Variants in SRGAP1 observed in about 807,000 individuals in gnomAD.
SRGAP1 encodes SLIT-ROBO Rho GTPase-activating protein 1.
Under a neutral mutation model 121.9 loss-of-function variants are expected in SRGAP1, and 43 were observed. The ratio of observed to expected loss-of-function variants is 0.35; its 90% confidence interval spans 0.28 to 0.46. The LOEUF is 0.46. Ranked by LOEUF, SRGAP1 falls within the 20% of genes least tolerant of loss-of-function variation. The pLI, the probability that SRGAP1 is intolerant of heterozygous loss-of-function variation, is 1.00. For missense variants in SRGAP1, 1,102 were observed against 1,350.9 expected (o/e 0.82, Z 2.89); for synonymous variants, 447 against 485.4 (o/e 0.92, Z 1.04).
intron 2 of SRGAP1, among the ~76,000 whole-genome samples, chr12:63,988,400 T>C (rs1273550013): frequency 6.6e-6 from 1 of 152,220 alleles, no homozygotes; most frequent in African/African-American, 2.4e-5. Context: ...CACTGCTCTT[T>C]GCCTGATGGT....
intron 10 of SRGAP1, among the ~76,000 whole-genome samples, chr12:64,082,112 C>T (rs544379647): frequency 4.3e-5 from 6 of 138,158 alleles, no homozygotes; most frequent in Admixed American, 1.6e-4. Context: ...TGTAGATGAA[C>T]GCTTATAGGC....
intron 3 of SRGAP1, among the ~76,000 whole-genome samples, chr12:63,995,967 G>T (rs2033687780): frequency 6.7e-6 from 1 of 150,092 alleles, no homozygotes; most frequent in Admixed American, 6.6e-5. Flanking sequence ...TGTTTTAGTA[G>T]AAGTTAATAA....
At chr12:63,975,557 T>C (rs1368920913) in intron 1 of SRGAP1, among the ~76,000 whole-genome samples, 1 of 152,222 alleles carries the variant, frequency 6.6e-6, no homozygotes, top group African/African-American at 2.4e-5. Flanking sequence ...GTAACATGAA[T>C]TAATATACAG....
At chr12:63,954,677 CAA>C (rs60508657) in intron 1 of SRGAP1, among the ~76,000 whole-genome samples, 72 of 104,590 alleles carry the variant, frequency 6.9e-4, no homozygotes, top group Admixed American at 5.7e-3. Context: ...GACTCCATCT[CAA>C]AAAAAAAAAA....
chr12:63,848,539 TAA>T (rs1291314587), intron 1 of SRGAP1, among the ~76,000 whole-genome samples: 1 of 152,070 alleles, frequency 6.6e-6, no homozygotes, highest in African/African-American at 2.4e-5. Context: ...CTCTTCATCT[TAA>T]GTGTCTTTTT....
At chr12:63,858,882 T>C (rs572512237) in intron 1 of SRGAP1, among the ~76,000 whole-genome samples, 1 of 152,116 alleles carries the variant, frequency 6.6e-6, no homozygotes, top group Admixed American at 6.5e-5. Flanking sequence ...TTTGTATTTT[T>C]AGTAGAGACA....
intron 2 of SRGAP1, among the ~76,000 whole-genome samples, chr12:63,988,429 T>G (rs1440352400): frequency 6.6e-6 from 1 of 152,094 alleles, no homozygotes; most frequent in African/African-American, 2.4e-5. Flanking sequence ...AAAAGGGAGA[T>G]CTCAGGGTAG....
At chr12:63,952,382 G>T (rs1224338387) in intron 1 of SRGAP1, among the ~76,000 whole-genome samples, 1 of 152,056 alleles carries the variant, frequency 6.6e-6, no homozygotes, top group Admixed American at 6.5e-5. Context: ...CAGATATGGT[G>T]GTATGCACCT....
intron 1 of SRGAP1, among the ~76,000 whole-genome samples, chr12:63,925,386 A>C (rs945418570): frequency 3.3e-5 from 5 of 152,228 alleles, no homozygotes; most frequent in African/African-American, 9.6e-5. Context: ...TGAGGGGTTT[A>C]AGTTAAATTT....
At chr12:63,936,482 T>C (rs2031665805) in intron 1 of SRGAP1, among the ~76,000 whole-genome samples, 1 of 152,144 alleles carries the variant, frequency 6.6e-6, no homozygotes, top group African/African-American at 2.4e-5. Context: ...CAGGTGCTTC[T>C]GAGAATTTTT....
At chr12:63,869,515 C>G (rs1347728360) in intron 1 of SRGAP1, among the ~76,000 whole-genome samples, 1 of 152,252 alleles carries the variant, frequency 6.6e-6, no homozygotes, top group South Asian at 2.1e-4. Context: ...GGGCAGCACC[C>G]TTCTAAAACA....
At chr12:63,864,934 A>T (rs1185783007) in intron 1 of SRGAP1, among the ~76,000 whole-genome samples, 1 of 152,178 alleles carries the variant, frequency 6.6e-6, no homozygotes, top group Admixed American at 6.5e-5. Flanking sequence ...ATAAAAAAAT[A>T]AACTTGTTGG....
intron 6 of SRGAP1, among the ~76,000 whole-genome samples, chr12:64,057,122 A>T (rs2035358480): frequency 6.6e-6 from 1 of 152,126 alleles, no homozygotes; most frequent in African/African-American, 2.4e-5. Flanking sequence ...GGCAGCAAAT[A>T]ATCTATTTGG....
rs141965344 is a variant in SRGAP1, at chr12:63,847,481, C to T, written c.67+2598C>T. Among the ~76,000 whole-genome samples the T allele has an allele frequency of 7.9e-4, 121 of 152,220 alleles. 1 individual carries two copies. The highest frequency in any genetic ancestry group is 2.8e-3 in the African/African-American group (115 of 41,538). On this transcript the variant is annotated intron_variant, in intron 1 of 21. Transcript: ENST00000355086. ...TTAAGACATAAGTCTAGGCCAGGCACGGTGGCTCACGCCTGTAATCCCAGC... is the reference window on the plus strand; with the variant it reads ...TTAAGACATAAGTCTAGGCCAGGCATGGTGGCTCACGCCTGTAATCCCAGC...
At chr12:64,125,919 G>A (rs1268935798) in intron 18 of SRGAP1, 58 bp from the exon 19 acceptor site, 29 of 1,568,746 alleles carry the variant, frequency 1.8e-5, no homozygotes, top group Non-Finnish European at 2.5e-5. Flanking sequence ...TCACAGATAG[G>A]ATACCATGCC....
intron 1 of SRGAP1, among the ~76,000 whole-genome samples, chr12:63,890,199 A>C (rs149474653): frequency 1.8e-3 from 268 of 152,280 alleles, no homozygotes; most frequent in African/African-American, 6.1e-3. Flanking sequence ...AACCCCAAGA[A>C]GTTAGTGCTG....
intron 1 of SRGAP1, among the ~76,000 whole-genome samples, chr12:63,934,647 C>G (rs1377492450): frequency 6.6e-6 from 1 of 152,028 alleles, no homozygotes; most frequent in African/African-American, 2.4e-5. Context: ...TGAGCACAAC[C>G]ACCACCCCCC....
chr12:63,991,686 GT>G, intron 3 of SRGAP1, among the ~76,000 whole-genome samples: 1 of 152,162 alleles, frequency 6.6e-6, no homozygotes. Flanking sequence ...ACGATGACAG[GT>G]GCTGAAAAGG....
chr12:63,881,221 A>G (rs1355092802), intron 1 of SRGAP1, among the ~76,000 whole-genome samples: 6 of 152,208 alleles, frequency 3.9e-5, no homozygotes, highest in Non-Finnish European at 7.3e-5. Context: ...GGAATCTATC[A>G]AAGTACTTGC....
Sources: allele counts gnomAD v4.1 joint callset (sites outside exome capture counted in the v4.1 genomes callset), GRCh38; gene constraint gnomAD v4.1.1; transcripts MANE v1.5; gene names NCBI Gene and HGNC (gene_info 2026-07-23, HGNC 2026-07-21).